Variants in THADA observed in about 807,000 individuals in gnomAD.
THADA encodes the protein tRNA (32-2'-O)-methyltransferase regulator THADA.
In THADA, 213 loss-of-function variants were observed where a neutral mutation model predicts 219.8. The observed-to-expected ratio is 0.97, with a 90% CI of 0.87 to 1.09. THADA has a LOEUF of 1.09. Ranked by LOEUF, THADA falls within the 50% of genes least tolerant of loss-of-function variation. THADA has a pLI of 0.00. For synonymous variants in THADA, 1,018 were observed against 828.9 expected, an observed-to-expected ratio of 1.23 and a Z score of -3.92; for missense variants, 2,956 against 2,311.3, an observed-to-expected ratio of 1.28 and a Z score of -5.72.
intron 17 of THADA, 99 bp from the exon 18 acceptor site, chr2:43,552,438 T>G: frequency 7.8e-7 from 1 of 1,275,810 alleles, no homozygotes; most frequent in Non-Finnish European, 1.1e-6. Context: ...CCAACTCAAA[T>G]GAACTTTACA....
chr2:43,372,582 C>G (rs1558655671), intron 29 of THADA, among the ~76,000 whole-genome samples: 1 of 152,056 alleles, frequency 6.6e-6, no homozygotes, highest in Non-Finnish European at 1.5e-5. Flanking sequence ...GTCCTCAAAT[C>G]CCCACCCACT....
At position 43,350,199 on chromosome 2, in the gene THADA, G is replaced by A. The variant is rs1055640390; in HGVS notation, c.4228-5962C>T. Reference sequence around the variant, plus strand: ...TTAATTCATACAAACAGAACTGCAGGCAGGCAGGCAGAAGTATTTTATGGC... The same window carrying A: ...TTAATTCATACAAACAGAACTGCAGACAGGCAGGCAGAAGTATTTTATGGC... On this transcript the variant is annotated intron_variant, in intron 29 of 37. Transcript: ENST00000405975. Among the ~76,000 whole-genome samples the A allele has an allele frequency of 2.5e-4, 38 of 152,120 alleles. 1 individual carries two copies. Among genetic ancestry groups the A allele is most frequent in the African/African-American group, 8.4e-4 (35 of 41,426 alleles).
At chr2:43,539,209 T>A (rs1159043341) in intron 21 of THADA, among the ~76,000 whole-genome samples, 1 of 152,228 alleles carries the variant, frequency 6.6e-6, no homozygotes, top group Non-Finnish European at 1.5e-5. Flanking sequence ...ACCTAAGGCT[T>A]GACTCTTAAA....
rs377250218 is a variant in THADA at position 43,292,110 on chromosome 2, T to C, written c.4931A>G (p.Asn1644Ser). The change falls in exon 33 of 38, where the codon AAT (asparagine) becomes AGT (serine). Residue 1644 changes from asparagine to serine, a missense_variant. By Grantham distance (46) the Asn-to-Ser change is conservative (BLOSUM62 1). Coordinates refer to ENST00000405975, the MANE Select transcript of THADA (RefSeq NM_022065.5). ...FLIWTMDIAS[N>S]ERSEIQSVAL... is the part of the protein sequence containing the mutation. ...GGAGGTTTTGGGGGCAAACCTTTCATTGGAAGCAATATCCATCGTCCAGAT... is the reference window on the plus strand; with the variant it reads ...GGAGGTTTTGGGGGCAAACCTTTCACTGGAAGCAATATCCATCGTCCAGAT... The C allele has an allele frequency of 1.7e-5, 27 of 1,601,684 alleles. No individual in the cohort carries two copies. The Admixed American group carries it at 1.9e-4, about 11-fold the overall frequency.
intron 36 of THADA, among the ~76,000 whole-genome samples, chr2:43,253,073 C>CCTCAAAGT (rs1405143444): frequency 3.9e-5 from 6 of 152,198 alleles, no homozygotes; most frequent in African/African-American, 1.4e-4. Context: ...CTTCCGTCCC[C>CCTCAAAGT]CTCAAAGTCA....
At chr2:43,518,921 TCTC>T (rs1270474329) in intron 22 of THADA, among the ~76,000 whole-genome samples, 9 of 152,066 alleles carry the variant, frequency 5.9e-5, no homozygotes, top group Non-Finnish European at 8.8e-5. Context: ...CCTCTGCTAA[TCTC>T]CTGACCTGTA....
chr2:43,555,139 G>A (rs944490392), intron 17 of THADA, among the ~76,000 whole-genome samples: 6 of 151,666 alleles, frequency 4.0e-5, no homozygotes, highest in African/African-American at 1.4e-4. Flanking sequence ...CATAAATTGT[G>A]GTAAATCTGT....
In THADA at chr2:43,529,704, A is replaced by G. The variant is rs567124825; in HGVS notation, c.3265-1716T>C. 1.1e-3 allele frequency among the ~76,000 whole-genome samples: 167 copies of G among 152,318 alleles called. 1 individual carries two copies. Among genetic ancestry groups the G allele is most frequent in the African/African-American group, 3.7e-3 (154 of 41,576 alleles). ...CTATCTCTTGATCCAGGTCTCCCCA[A>G]CAGATCACAGGATGGTAAAAGACAA... is the stretch of plus-strand genomic sequence containing the variant. On this transcript the variant is annotated intron_variant, in intron 21 of 37. Transcript: ENST00000405975.
chr2:43,279,741 T>A (rs376055428), intron 36 of THADA, 24 bp downstream of exon 36: 1 of 1,543,474 alleles, frequency 6.5e-7, no homozygotes, highest in East Asian at 2.5e-5. Context: ...GATAAGACAA[T>A]GCAAAAGGAT....
chr2:43,573,338 C>T (rs1176617748), intron 11 of THADA, among the ~76,000 whole-genome samples: 2 of 152,168 alleles, frequency 1.3e-5, no homozygotes, highest in African/African-American at 2.4e-5. Context: ...TCAGTGGCTA[C>T]AGACTATTAC....
intron 22 of THADA, 47 bp downstream of exon 22, chr2:43,527,832 G>C: frequency 7.6e-7 from 1 of 1,322,568 alleles, no homozygotes; most frequent in African/African-American, 1.5e-5. Flanking sequence ...CATATGCTTT[G>C]TATATTTAGT....
chr2:43,587,116 C>A (rs764974864), intron 4 of THADA, 114 bp from the exon 5 acceptor site: 5 of 1,102,374 alleles, frequency 4.5e-6, no homozygotes, highest in Non-Finnish European at 5.2e-6. Context: ...CAAAATACAG[C>A]CAGAAAACTA....
intron 24 of THADA, among the ~76,000 whole-genome samples, chr2:43,501,522 C>G (rs1382424190): frequency 6.6e-6 from 1 of 151,948 alleles, no homozygotes; most frequent in Non-Finnish European, 1.5e-5. Flanking sequence ...GTTTAACAAG[C>G]TAATTCTAAA....
intron 28 of THADA, among the ~76,000 whole-genome samples, chr2:43,410,982 T>C (rs1675354723): frequency 6.6e-6 from 1 of 152,216 alleles, no homozygotes; most frequent in African/African-American, 2.4e-5. Context: ...TCTCAAGTCT[T>C]CTCTTCCTCA....
At chr2:43,590,644 C>CAAA (rs768406325) in intron 4 of THADA, among the ~76,000 whole-genome samples, 180 bp downstream of exon 4, 45 of 58,840 alleles carry the variant, frequency 7.6e-4, no homozygotes, top group Non-Finnish European at 9.1e-4. Flanking sequence ...GACTCCGTCT[C>CAAA]AAAAAAAAAA....
intron 31 of THADA, among the ~76,000 whole-genome samples, chr2:43,311,083 G>A (rs969060235): frequency 3.9e-5 from 6 of 152,154 alleles, no homozygotes; most frequent in South Asian, 2.1e-4. Flanking sequence ...GGCTGAGGCA[G>A]GAGAATCGCT....
At chr2:43,590,040 C>T (rs765714086) in intron 4 of THADA, among the ~76,000 whole-genome samples, 3 of 152,112 alleles carry the variant, frequency 2.0e-5, no homozygotes, top group Non-Finnish European at 4.4e-5. Context: ...CACACATATG[C>T]TGACCTCAAA....
chr2:43,444,344 T>C (rs967927461), intron 26 of THADA, among the ~76,000 whole-genome samples: 6 of 152,230 alleles, frequency 3.9e-5, no homozygotes, highest in African/African-American at 1.4e-4. Context: ...TGTCTGGCCA[T>C]ACATTCCTCC....
chr2:43,463,029 C>T (rs1038599898), intron 26 of THADA: 2 of 152,202 alleles, frequency 1.3e-5, no homozygotes, highest in Admixed American at 6.5e-5. Context: ...GAGGGATACA[C>T]ATACCACTTC....
Sources: allele counts gnomAD v4.1 joint callset (sites outside exome capture counted in the v4.1 genomes callset), GRCh38; gene constraint gnomAD v4.1.1; transcripts MANE v1.5; gene names NCBI Gene and HGNC (gene_info 2026-07-23, HGNC 2026-07-21).